HTR7: variants seen among roughly 807,000 people sequenced by gnomAD.
The protein encoded by HTR7 is 5-HT-7.
HTR7 carries 16 observed loss-of-function variants against 34.0 expected under a neutral mutation model. The observed-to-expected ratio is 0.47, with a 90% CI of 0.32 to 0.71. The LOEUF is 0.71. Among genes scored for constraint, HTR7 ranks in the 30% least tolerant of loss-of-function variants. The probability of loss-of-function intolerance (pLI) is 0.04; values close to 1 mark genes in which losing one functional copy is unlikely to be tolerated. For synonymous variants in HTR7, 265 were observed against 260.2 expected (o/e 1.02, Z -0.18); for missense variants, 504 against 625.5 (o/e 0.81, Z 2.07).
intron 1 of HTR7, among the ~76,000 whole-genome samples, chr10:90,796,673 C>CTA (rs1218159297): frequency 2.0e-5 from 3 of 152,118 alleles, no homozygotes; most frequent in Non-Finnish European, 2.9e-5. Context: ...GATTGTGCCA[C>CTA]TAGAGTCCAG....
chr10:90,796,665 T>C (rs185642495), intron 1 of HTR7, among the ~76,000 whole-genome samples: 112 of 152,218 alleles, frequency 7.4e-4, no homozygotes, highest in South Asian at 2.5e-3. Flanking sequence ...TGAGCTATGA[T>C]TGTGCCACTA....
At chr10:90,805,679 A>T (rs1055182529) in intron 1 of HTR7, among the ~76,000 whole-genome samples, 30 of 152,200 alleles carry the variant, frequency 2.0e-4, no homozygotes, top group Non-Finnish European at 3.2e-4. Context: ...GGGGAGAGAA[A>T]TTTTTTGAAA....
chr10:90,746,740 C>A (rs1844643403), intron 2 of HTR7, among the ~76,000 whole-genome samples: 1 of 152,144 alleles, frequency 6.6e-6, no homozygotes, highest in African/African-American at 2.4e-5. Context: ...CAGTCTAAAG[C>A]TATTATGTCA....
chr10:90,816,956 T>C (rs1019154455), intron 1 of HTR7, among the ~76,000 whole-genome samples: 5 of 152,244 alleles, frequency 3.3e-5, no homozygotes, highest in Admixed American at 1.3e-4. Context: ...CTGCCCTCTA[T>C]GCCATCTGGC....
At chr10:90,769,560 A>G (rs1453347346) in intron 1 of HTR7, among the ~76,000 whole-genome samples, 1 of 152,232 alleles carries the variant, frequency 6.6e-6, no homozygotes, top group Non-Finnish European at 1.5e-5. Flanking sequence ...ACTAAAATAG[A>G]GTAAAATACA....
At position 90,744,693 on chromosome 10, in the gene HTR7, C is replaced by T. The variant is rs368455440; in HGVS notation, c.1296-1003G>A. Among the ~76,000 whole-genome samples, 11 of 152,154 alleles carry T rather than the reference C, an allele frequency of 7.2e-5. No homozygotes were observed. In the East Asian group the frequency reaches 2.1e-3, roughly 29 times the overall value. On this transcript the variant is annotated intron_variant, in intron 2 of 3. Transcript: ENST00000336152. The stretch of plus-strand genomic sequence containing the variant: ...CCCAGACTTGTGACAACCAAAAATC[C>T]CTCCAGAAATGGCCAAATGGCTACA...
intron 1 of HTR7, among the ~76,000 whole-genome samples, chr10:90,807,437 G>GA (rs1845721811): frequency 1.3e-5 from 2 of 152,116 alleles, no homozygotes; most frequent in Admixed American, 1.3e-4. Context: ...CAAAAGAAGT[G>GA]AAAATGGCCT....
At chr10:90,817,296 G>A (rs1243996432) in intron 1 of HTR7, among the ~76,000 whole-genome samples, 1 of 152,148 alleles carries the variant, frequency 6.6e-6, no homozygotes, top group Non-Finnish European at 1.5e-5. Flanking sequence ...ACCTTCAGGG[G>A]AGCCATCAGG....
intron 1 of HTR7, among the ~76,000 whole-genome samples, chr10:90,849,366 T>C (rs1239181522): frequency 6.6e-6 from 1 of 152,100 alleles, no homozygotes; most frequent in African/African-American, 2.4e-5. Context: ...ATCTAGAGGG[T>C]TAAACACTTA....
rs767151234 is a variant in HTR7, at chr10:90,857,619, G to A, written c.53C>T (p.Ser18Phe). 8.8e-6 allele frequency: 14 copies of A among 1,599,232 alleles called. No homozygotes were observed. The highest frequency in any genetic ancestry group is 1.1e-5 in the Non-Finnish European group (13 of 1,175,504). Residue 18 changes from serine (S) to phenylalanine (F), a missense_variant, in exon 1 of 4, where the codon TCT (serine) becomes TTT (phenylalanine). Around this residue, in one of 4 missense-constraint regions of HTR7, gnomAD observed 139 missense variants for 117.1 expected, o/e 1.19. Transcript: ENST00000336152. This position sits in a 1 kb window ranked among gnomAD's most constrained non-coding sequence, Gnocchi z 6.5. ...GCGCCCCACTTCTGGCAGAAGGAAA[G>A]AGCGGAGGTGCCCGTAGAGGTCCGG... ...GRPDLYGHLR[S>F]FLLPEVGRGL...
rs569645360 is a variant in HTR7 at position 90,776,793 on chromosome 10, T to C, written c.540-27199A>G. ...AGGTAGATATCCACTTAGATAAGTATGGTATACAGACTATAATAGAATTTT... is the reference window on the plus strand; with the variant it reads ...AGGTAGATATCCACTTAGATAAGTACGGTATACAGACTATAATAGAATTTT... On this transcript the variant is annotated intron_variant, in intron 1 of 3. Transcript: ENST00000336152. 1.7e-3 allele frequency among the ~76,000 whole-genome samples: 254 copies of C among 152,342 alleles called. 3 individuals are homozygous for C. Among genetic ancestry groups the C allele is most frequent in the Non-Finnish European group, 3.1e-3 (210 of 68,030 alleles).
In HTR7 at chr10:90,857,456, T is replaced by C; in HGVS notation, c.216A>G (p.Glu72=). The C allele has an allele frequency of 1.2e-6, 2 of 1,613,884 alleles. No individual in the cohort carries two copies. The highest frequency in any genetic ancestry group is 8.5e-7 in the Non-Finnish European group (1 of 1,180,004). The change falls in exon 1 of 4, where the codon GAA becomes GAG. Residue 72 remains glutamate (E), a synonymous_variant. Transcript: ENST00000336152. This position sits in a 1 kb window ranked among gnomAD's most constrained non-coding sequence, Gnocchi z 6.5. ...TCTCGACTCTGCCGTAGTTGATCTG[T>C]TCCCCACAGCCGGAGGCATTGTCCG... ...APPDNASGCG[E]QINYGRVEKV... is the part of the protein sequence containing the mutation.
chr10:90,816,676 A>G (rs1845903219), intron 1 of HTR7, among the ~76,000 whole-genome samples: 1 of 152,144 alleles, frequency 6.6e-6, no homozygotes, highest in Non-Finnish European at 1.5e-5. Context: ...GGTGTTTTGA[A>G]AACTACAGAT....
In HTR7 at chr10:90,744,765, G is replaced by A. The variant is rs186313997; in HGVS notation, c.1296-1075C>T. On this transcript the variant is annotated intron_variant, in intron 2 of 3. Transcript: ENST00000336152. ...AATTACTCCTGATTAAGAACCATTT[G>A]TCAATATTAAAAGTCCAAATTCTTG... Among the ~76,000 whole-genome samples the A allele has an allele frequency of 3.3e-5, 5 of 152,254 alleles. No individual in the cohort carries two copies. The East Asian group carries it at 9.6e-4, about 29-fold the overall frequency.
chr10:90,774,534 A>T (rs1264809332), intron 1 of HTR7, among the ~76,000 whole-genome samples: 1 of 121,938 alleles, frequency 8.2e-6, no homozygotes, highest in Non-Finnish European at 1.6e-5. Context: ...ACATAGCATC[A>T]GTCAGATATA....
intron 1 of HTR7, among the ~76,000 whole-genome samples, chr10:90,807,580 A>C (rs772048688): frequency 9.9e-5 from 15 of 152,088 alleles, no homozygotes; most frequent in African/African-American, 2.4e-4. Context: ...CTTTGACTGT[A>C]ATTTTCCTTT....
At chr10:90,799,813 G>C (rs897203025) in intron 1 of HTR7, among the ~76,000 whole-genome samples, 2 of 152,018 alleles carry the variant, frequency 1.3e-5, no homozygotes, top group Non-Finnish European at 2.9e-5. Context: ...CCCTAGCTTT[G>C]ATGACCTGGT....
rs1845906002 is a variant in HTR7 at position 90,816,934 on chromosome 10, A to G, written c.539+40199T>C. On this transcript the variant is annotated intron_variant, in intron 1 of 3. Coordinates refer to ENST00000336152, the MANE Select transcript of HTR7 (RefSeq NM_019859.4). ...TTTTATTGCATAAAAGGTTTTAAACATTGATGAGTGCCTGCCCTCTATGCC... is the reference window on the plus strand; with the variant it reads ...TTTTATTGCATAAAAGGTTTTAAACGTTGATGAGTGCCTGCCCTCTATGCC... 1.3e-5 allele frequency among the ~76,000 whole-genome samples: 2 copies of G among 152,246 alleles called. 1 individual carries two copies. The highest frequency in any genetic ancestry group is 4.1e-4 in the South Asian group (2 of 4,828).
intron 1 of HTR7, among the ~76,000 whole-genome samples, chr10:90,846,059 T>A (rs1846409790): frequency 6.6e-6 from 1 of 152,360 alleles, no homozygotes; most frequent in South Asian, 2.1e-4. Context: ...AAGAAATGTG[T>A]ACAAGTTGAG....
Sources: allele counts gnomAD v4.1 joint callset (sites outside exome capture counted in the v4.1 genomes callset), GRCh38; gene constraint gnomAD v4.1.1; regional missense constraint gnomAD v4.1.1; non-coding constraint Gnocchi (gnomAD v3.1); transcripts MANE v1.5; gene names NCBI Gene and HGNC (gene_info 2026-07-23, HGNC 2026-07-21).